The following SLC24A2 variants were observed in gnomAD, a reference collection of about 807,000 sequenced individuals.
SLC24A2 encodes the protein solute carrier family 24 member 2.
Under a neutral mutation model 62.0 loss-of-function variants are expected in SLC24A2, and 36 were observed. The observed-to-expected ratio is 0.58, with a 90% CI of 0.44 to 0.77. The LOEUF (loss-of-function observed/expected upper bound fraction) is 0.77. SLC24A2 is among the 30% of genes least tolerant of loss of function. The pLI, the probability that SLC24A2 is intolerant of heterozygous loss-of-function variation, is 0.00. For missense variants in SLC24A2, 846 were observed against 817.9 expected (o/e 1.03, Z -0.42); for synonymous variants, 358 against 294.0 (o/e 1.22, Z -2.23).
chr9:20,085,316 T>C, the SLC24A2 span, among the ~76,000 whole-genome samples: 1 of 152,244 alleles, frequency 6.6e-6, no homozygotes, highest in African/African-American at 2.4e-5. Flanking sequence ...CTGTTTTGAA[T>C]TATTTTAGCT....
the SLC24A2 span, among the ~76,000 whole-genome samples, chr9:19,804,674 T>C: frequency 3.1e-4 from 47 of 152,244 alleles, no homozygotes; most frequent in African/African-American, 7.5e-4. Context: ...AAGTACAACA[T>C]TGAATCAAAG....
chr9:20,055,270 C>T, the SLC24A2 span, among the ~76,000 whole-genome samples: 63 of 152,200 alleles, frequency 4.1e-4, no homozygotes, highest in African/African-American at 1.4e-3. Flanking sequence ...CAAAATTTTT[C>T]ATTAGGTAAT....
chr9:19,733,009 T>A (rs539839817), intron 2 of SLC24A2, among the ~76,000 whole-genome samples: 7 of 152,036 alleles, frequency 4.6e-5, no homozygotes, highest in Admixed American at 3.3e-4. Context: ...TCAGGCCCAA[T>A]TGCTACAGAG....
At chr9:19,551,600 TATAA>T (rs1439876391) in intron 7 of SLC24A2, among the ~76,000 whole-genome samples, 5 of 152,174 alleles carry the variant, frequency 3.3e-5, no homozygotes, top group African/African-American at 7.2e-5. Context: ...TTTGAGACCA[TATAA>T]ATAACTTTAG....
intron 2 of SLC24A2, among the ~76,000 whole-genome samples, chr9:19,702,746 G>A (rs1820392832): frequency 6.6e-6 from 1 of 152,014 alleles, no homozygotes; most frequent in Admixed American, 6.6e-5. Flanking sequence ...ACTACCAAGT[G>A]TTTTATCTTG....
At chr9:19,996,515 G>C in the SLC24A2 span, among the ~76,000 whole-genome samples, 54 of 152,168 alleles carry the variant, frequency 3.5e-4, no homozygotes, top group African/African-American at 1.3e-3. Flanking sequence ...TGAGGTGCGT[G>C]GATCACCTGA....
At chr9:20,207,982 C>G in the SLC24A2 span, among the ~76,000 whole-genome samples, 1 of 152,196 alleles carries the variant, frequency 6.6e-6, no homozygotes, top group Non-Finnish European at 1.5e-5. Flanking sequence ...GACACTTATT[C>G]AAGACACAAA....
At chr9:20,027,353 T>C in the SLC24A2 span, among the ~76,000 whole-genome samples, 6 of 152,280 alleles carry the variant, frequency 3.9e-5, no homozygotes, top group East Asian at 5.8e-4. Flanking sequence ...TACATTCCCA[T>C]GTTTACTGCA....
chr9:20,021,984 C>G, the SLC24A2 span, among the ~76,000 whole-genome samples: 2 of 152,190 alleles, frequency 1.3e-5, no homozygotes, highest in African/African-American at 4.8e-5. Flanking sequence ...AGTCTACACT[C>G]TTGCCTTACC....
intron 8 of SLC24A2, among the ~76,000 whole-genome samples, chr9:19,546,191 C>A (rs973954497): frequency 4.6e-5 from 7 of 152,228 alleles, no homozygotes; most frequent in Non-Finnish European, 1.0e-4. Flanking sequence ...GTCAGGGACC[C>A]ACTTGAGGAG....
the SLC24A2 span, among the ~76,000 whole-genome samples, chr9:20,261,912 G>C: frequency 1.3e-5 from 2 of 151,750 alleles, no homozygotes; most frequent in South Asian, 2.1e-4. Flanking sequence ...GCTAGTTTTT[G>C]TATTTTTAGT....
chr9:19,517,601 G>A (rs1018070271), intron 10 of SLC24A2, among the ~76,000 whole-genome samples: 5 of 152,170 alleles, frequency 3.3e-5, no homozygotes, highest in Non-Finnish European at 7.3e-5. Context: ...AAGCTGAAGT[G>A]ATTGATGTGA....
chr9:19,727,010 T>C (rs1377126772), intron 2 of SLC24A2, among the ~76,000 whole-genome samples: 2 of 152,216 alleles, frequency 1.3e-5, no homozygotes, highest in Non-Finnish European at 2.9e-5. Flanking sequence ...CCAGATTTAT[T>C]GCTTGTTCCC....
At chr9:20,084,060 C>A in the SLC24A2 span, among the ~76,000 whole-genome samples, 2 of 152,182 alleles carry the variant, frequency 1.3e-5, no homozygotes, top group East Asian at 3.8e-4. Context: ...AATAATACCT[C>A]ATTAGGCAGC....
chr9:20,066,176 T>C, the SLC24A2 span, among the ~76,000 whole-genome samples: 3 of 152,194 alleles, frequency 2.0e-5, no homozygotes, highest in Non-Finnish European at 2.9e-5. Context: ...ATTTGCTTTA[T>C]TGTGAACAAT....
the SLC24A2 span, among the ~76,000 whole-genome samples, chr9:20,022,388 C>G: frequency 2.6e-5 from 4 of 152,222 alleles, no homozygotes; most frequent in African/African-American, 9.6e-5. Context: ...ACATTACTAA[C>G]CAAAGTTGAT....
the SLC24A2 span, among the ~76,000 whole-genome samples, chr9:20,010,693 T>C: frequency 3.3e-5 from 5 of 151,998 alleles, no homozygotes; most frequent in South Asian, 8.3e-4. Context: ...ATGTGCCATG[T>C]TGGTGTGCTG....
chr9:19,761,154 T>C (rs1197013202), intron 2 of SLC24A2, among the ~76,000 whole-genome samples: 2 of 152,212 alleles, frequency 1.3e-5, no homozygotes, highest in African/African-American at 4.8e-5. Flanking sequence ...GAATGATTTA[T>C]AATCCTTAGG....
chr9:19,917,879 C>T, the SLC24A2 span, among the ~76,000 whole-genome samples: 1 of 151,994 alleles, frequency 6.6e-6, no homozygotes, highest in Admixed American at 6.5e-5. Context: ...ACTTTAACAA[C>T]AGTATTATAT....
Sources: gnomAD v4.1 joint callset for allele counts (sites outside exome capture counted in the v4.1 genomes callset) on GRCh38, gnomAD v4.1.1 for gene constraint, MANE v1.5 for transcripts, NCBI Gene and HGNC (gene_info 2026-07-23, HGNC 2026-07-21) for gene names.